FHIT: variants seen among roughly 807,000 people sequenced by gnomAD.
FHIT encodes bis(5'-adenosyl)-triphosphatase.
In FHIT, 19 loss-of-function variants were observed where a neutral mutation model predicts 17.9. The ratio of observed to expected loss-of-function variants is 1.06; its 90% confidence interval spans 0.74 to 1.56. The LOEUF (loss-of-function observed/expected upper bound fraction) is 1.56, where lower values mean the gene tolerates loss of function less well. Ranked by LOEUF, FHIT falls within the 40% of genes most tolerant of loss-of-function variation. The pLI, the probability that FHIT is intolerant of heterozygous loss-of-function variation, is 0.00. For missense variants in FHIT, 248 were observed against 189.2 expected (o/e 1.31, Z -1.82); for synonymous variants, 81 against 69.7 (o/e 1.16, Z -0.81).
At chr3:61,164,992 T>C (rs1178426902) in intron 2 of FHIT, among the ~76,000 whole-genome samples, 2 of 152,238 alleles carry the variant, frequency 1.3e-5, no homozygotes, top group Non-Finnish European at 2.9e-5. Flanking sequence ...TATGACTGTA[T>C]TGTATTCCAT....
Position 60,926,744 on chromosome 3 carries a change from C to CA in FHIT, c.-110-104734dup, listed in dbSNP as rs1358012601. On this transcript the variant is annotated intron_variant, in intron 3 of 9. Transcript: ENST00000492590. The stretch of plus-strand genomic sequence containing the variant: ...GGAGATAGAGACACAAAAAACCCTT[C>CA]AAAAAATCAATGAATCCAGGAGCTG... Among the ~76,000 whole-genome samples, 6 of 152,042 alleles carry CA rather than the reference C, an allele frequency of 3.9e-5. No individual in the cohort carries two copies. In the East Asian group the frequency reaches 1.2e-3, roughly 29 times the overall value.
At chr3:60,213,199 A>G (rs1703537139) in intron 5 of FHIT, among the ~76,000 whole-genome samples, 1 of 152,126 alleles carries the variant, frequency 6.6e-6, no homozygotes, top group Admixed American at 6.5e-5. Flanking sequence ...CATGAGACAA[A>G]TCTGGATCAA....
intron 4 of FHIT, among the ~76,000 whole-genome samples, chr3:60,757,825 T>C (rs1699500587): frequency 1.3e-5 from 2 of 152,156 alleles, no homozygotes; most frequent in African/African-American, 2.4e-5. Context: ...TTGGCTGCCA[T>C]GTGAAGAATG....
At chr3:60,732,187 G>A in intron 4 of FHIT, 1 of 799,808 alleles carries the variant, frequency 1.3e-6, no homozygotes, top group Non-Finnish European at 2.1e-6. Context: ...CTTCTTGCTG[G>A]CCTTATCATT....
chr3:60,965,246 A>G (rs1025117611), intron 3 of FHIT, among the ~76,000 whole-genome samples: 1 of 152,090 alleles, frequency 6.6e-6, no homozygotes, highest in Non-Finnish European at 1.5e-5. Context: ...TTGTGCATGC[A>G]TCACGTAGTT....
intron 5 of FHIT, among the ~76,000 whole-genome samples, chr3:60,313,447 G>A (rs918203652): frequency 3.3e-5 from 5 of 152,154 alleles, no homozygotes; most frequent in Admixed American, 2.6e-4. Context: ...GGAGGAGTGT[G>A]AGCAGGCTAA....
At chr3:60,549,050 T>C (rs762001980) in intron 4 of FHIT, among the ~76,000 whole-genome samples, 2 of 152,178 alleles carry the variant, frequency 1.3e-5, no homozygotes, top group Non-Finnish European at 2.9e-5. Flanking sequence ...ACTTAAATAT[T>C]TGATAAGTGC....
intron 3 of FHIT, among the ~76,000 whole-genome samples, chr3:60,926,881 T>G (rs995274966): frequency 6.6e-6 from 1 of 152,158 alleles, no homozygotes; most frequent in Non-Finnish European, 1.5e-5. Context: ...ATATCACCAC[T>G]GATCCCACAG....
intron 5 of FHIT, among the ~76,000 whole-genome samples, chr3:60,019,877 A>G (rs1254353211): frequency 6.6e-6 from 1 of 152,256 alleles, no homozygotes; most frequent in Admixed American, 6.5e-5. Flanking sequence ...TCTTTCTGTT[A>G]CACTGAGATG....
rs535180228 is a variant in FHIT at position 61,158,803 on chromosome 3, T to C, written c.-164+41814A>G. ...CACAAAGTCACATGATCTTTATTTTTAAAAAGCTCATAAACTATGTCAGGC... is the reference window on the plus strand; with the variant it reads ...CACAAAGTCACATGATCTTTATTTTCAAAAAGCTCATAAACTATGTCAGGC... On this transcript the variant is annotated intron_variant, in intron 2 of 9. Transcript: ENST00000492590. Among the ~76,000 whole-genome samples, 104 of 152,296 alleles carry C rather than the reference T, an allele frequency of 6.8e-4. 1 individual carries two copies. Among genetic ancestry groups the C allele is most frequent in the Non-Finnish European group, 4.4e-4 (30 of 68,016 alleles).
intron 4 of FHIT, among the ~76,000 whole-genome samples, chr3:60,646,939 A>T (rs927221179): frequency 2.0e-5 from 3 of 152,252 alleles, no homozygotes; most frequent in African/African-American, 7.2e-5. Flanking sequence ...GCTATCATTC[A>T]GCAATCACAG....
At chr3:59,973,237 A>G (rs930873683) in intron 7 of FHIT, among the ~76,000 whole-genome samples, 7 of 152,124 alleles carry the variant, frequency 4.6e-5, no homozygotes, top group Non-Finnish European at 1.0e-4. Flanking sequence ...ACGCTCTTGA[A>G]ACACAATTCT....
chr3:60,056,645 G>A (rs1702095743), intron 5 of FHIT, among the ~76,000 whole-genome samples: 1 of 152,216 alleles, frequency 6.6e-6, no homozygotes, highest in African/African-American at 2.4e-5. Flanking sequence ...CGGTCTCCAT[G>A]TCATGCAGAT....
intron 1 of FHIT, among the ~76,000 whole-genome samples, chr3:61,232,689 A>T (rs1048452739): frequency 3.3e-5 from 5 of 152,204 alleles, no homozygotes; most frequent in African/African-American, 1.2e-4. Context: ...AATATGTAGT[A>T]GGCCAGACCA....
chr3:60,531,889 C>G (rs943018253), intron 5 of FHIT, among the ~76,000 whole-genome samples: 1 of 152,108 alleles, frequency 6.6e-6, no homozygotes, highest in Non-Finnish European at 1.5e-5. Context: ...TCAGAGTTTT[C>G]TTTTTTACCT....
chr3:60,683,430 TCAAGG>T (rs1272285465), intron 4 of FHIT, among the ~76,000 whole-genome samples: 1 of 152,136 alleles, frequency 6.6e-6, no homozygotes, highest in Non-Finnish European at 1.5e-5. Flanking sequence ...GCCATAAATA[TCAAGG>T]CAAGACCCTC....
intron 5 of FHIT, among the ~76,000 whole-genome samples, chr3:60,053,073 G>C (rs961780768): frequency 6.6e-6 from 1 of 152,008 alleles, no homozygotes; most frequent in Non-Finnish European, 1.5e-5. Flanking sequence ...ATGAGAATAA[G>C]AATGCCAAGC....
At chr3:61,048,948 G>A (rs1465167832) in intron 2 of FHIT, among the ~76,000 whole-genome samples, 1 of 152,032 alleles carries the variant, frequency 6.6e-6, no homozygotes, top group African/African-American at 2.4e-5. Flanking sequence ...ACACAAGGCA[G>A]GGGACATCAC....
At chr3:60,025,990 A>C (rs1700726668) in intron 5 of FHIT, among the ~76,000 whole-genome samples, 1 of 152,140 alleles carries the variant, frequency 6.6e-6, no homozygotes, top group Admixed American at 6.5e-5. Context: ...ATAGCTCAGC[A>C]TTTATCACTA....
Sources: gnomAD v4.1 joint callset for allele counts (sites outside exome capture counted in the v4.1 genomes callset) on GRCh38, gnomAD v4.1.1 for gene constraint, MANE v1.5 for transcripts, NCBI Gene and HGNC (gene_info 2026-07-23, HGNC 2026-07-21) for gene names.